The following EYS variants were observed in gnomAD, a reference collection of about 807,000 sequenced individuals.
EYS encodes the protein EGF-like photoreceptor maintenance factor, also known as protein eyes shut homolog.
In EYS, 250 loss-of-function variants were observed where a neutral mutation model predicts 282.1. The ratio of observed to expected loss-of-function variants is 0.89; its 90% CI spans 0.80 to 0.98. The LOEUF (loss-of-function observed/expected upper bound fraction) is 0.98. Ranked by LOEUF, EYS falls within the 50% of genes least tolerant of loss-of-function variation. The pLI is 0.00. For synonymous variants in EYS, 1,355 were observed against 1,282.9 expected, an observed-to-expected ratio of 1.06 and a Z score of -1.20; for missense variants, 4,016 against 3,709.0, an observed-to-expected ratio of 1.08 and a Z score of -2.15.
At chr6:65,268,682 G>T (rs999739933) in intron 12 of EYS, among the ~76,000 whole-genome samples, 3 of 151,976 alleles carry the variant, frequency 2.0e-5, no homozygotes, top group Non-Finnish European at 4.4e-5. Flanking sequence ...GGAAATGTAA[G>T]GGATTGTATC....
chr6:64,614,646 C>A (rs1309665445), intron 24 of EYS, among the ~76,000 whole-genome samples: 1 of 152,098 alleles, frequency 6.6e-6, no homozygotes, highest in East Asian at 1.9e-4. Context: ...ATTTAATACA[C>A]CTAATCTACT....
intron 36 of EYS, among the ~76,000 whole-genome samples, chr6:63,815,426 G>T (rs1027014892): frequency 4.6e-5 from 7 of 152,130 alleles, no homozygotes; most frequent in African/African-American, 7.2e-5. Context: ...ACATTGGCCA[G>T]TTAAAGGCCA....
rs928083722 is a variant in EYS at position 64,918,088 on chromosome 6, T to G, written c.2382-5345A>C. Reference sequence around the variant, plus strand: ...TTAGGTGTACATACCATCAACAAAATTATATTCATACCGAATTATAACATG... The same window carrying G: ...TTAGGTGTACATACCATCAACAAAAGTATATTCATACCGAATTATAACATG... On this transcript the variant is annotated intron_variant, in intron 15 of 42. Coordinates refer to ENST00000503581, the MANE Select transcript of EYS (RefSeq NM_001142800.2). 2.6e-5 allele frequency among the ~76,000 whole-genome samples: 4 copies of G among 152,134 alleles called. No individual in the cohort carries two copies. The South Asian group carries it at 8.3e-4, about 31-fold the overall frequency.
At chr6:63,835,343 A>G (rs900568639) in intron 36 of EYS, among the ~76,000 whole-genome samples, 1 of 151,342 alleles carries the variant, frequency 6.6e-6, no homozygotes, top group Admixed American at 6.6e-5. Flanking sequence ...CTCTCTATAT[A>G]TATATACACA....
intron 18 of EYS, among the ~76,000 whole-genome samples, chr6:64,891,797 T>C (rs529561384): frequency 8.5e-5 from 13 of 152,164 alleles, no homozygotes; most frequent in East Asian, 5.8e-4. Context: ...TCATAGCTTT[T>C]AAAATATACA....
rs553171861 is a variant in EYS at position 65,242,930 on chromosome 6, T to C, written c.2023+52933A>G. On this transcript the variant is annotated intron_variant, in intron 12 of 42. Coordinates refer to ENST00000503581, the MANE Select transcript of EYS (RefSeq NM_001142800.2). The stretch of plus-strand genomic sequence containing the variant: ...CTGCTGTCTTCTTTGAAGAGGTAAC[T>C]ACTTAAATGCTTTGCTCATATTTTA... 2.0e-5 allele frequency among the ~76,000 whole-genome samples: 3 copies of C among 152,296 alleles called. No individual in the cohort carries two copies. The South Asian group carries it at 6.2e-4, about 32-fold the overall frequency.
intron 33 of EYS, among the ~76,000 whole-genome samples, chr6:64,065,953 C>A (rs879729948): frequency 6.6e-6 from 1 of 152,036 alleles, no homozygotes; most frequent in Non-Finnish European, 1.5e-5. Flanking sequence ...CTGTTACACA[C>A]GTAAATAACA....
chr6:64,799,370 A>C (rs964168908), intron 22 of EYS, among the ~76,000 whole-genome samples: 1 of 151,960 alleles, frequency 6.6e-6, no homozygotes, highest in Non-Finnish European at 1.5e-5. Flanking sequence ...CTCAAAATAT[A>C]GTAGGTTTAA....
chr6:64,097,296 T>G (rs1469229769), intron 31 of EYS, among the ~76,000 whole-genome samples: 4 of 152,168 alleles, frequency 2.6e-5, no homozygotes, highest in Non-Finnish European at 5.9e-5. Flanking sequence ...ACAGGGACAT[T>G]TAAGTCTGCA....
At chr6:65,128,475 A>T (rs1310545567) in intron 12 of EYS, among the ~76,000 whole-genome samples, 1 of 152,086 alleles carries the variant, frequency 6.6e-6, no homozygotes, top group Non-Finnish European at 1.5e-5. Flanking sequence ...CAACTTCAGT[A>T]AAGTTTCACA....
intron 12 of EYS, among the ~76,000 whole-genome samples, chr6:65,254,826 T>C (rs955624770): frequency 6.6e-6 from 1 of 151,902 alleles, no homozygotes; most frequent in African/African-American, 2.4e-5. Flanking sequence ...AGCACATTTT[T>C]ACAGCATAAA....
chr6:65,677,548 A>G (rs1768663993), intron 1 of EYS, among the ~76,000 whole-genome samples: 1 of 152,008 alleles, frequency 6.6e-6, no homozygotes. Flanking sequence ...GATGAAAGAA[A>G]TTAAAGGAGA....
intron 19 of EYS, among the ~76,000 whole-genome samples, chr6:64,857,819 T>C (rs1405421822): frequency 6.6e-6 from 1 of 152,070 alleles, no homozygotes; most frequent in Non-Finnish European, 1.5e-5. Context: ...TGAGAGAGAA[T>C]TAATTGTGGT....
At chr6:63,804,208 G>T (rs889973230) in intron 37 of EYS, among the ~76,000 whole-genome samples, 3 of 152,056 alleles carry the variant, frequency 2.0e-5, no homozygotes, top group Non-Finnish European at 4.4e-5. Flanking sequence ...TAGAGACGGG[G>T]TTTCTCCATG....
At chr6:64,545,130 T>G (rs970026763) in intron 26 of EYS, among the ~76,000 whole-genome samples, 42 of 152,192 alleles carry the variant, frequency 2.8e-4, no homozygotes, top group African/African-American at 1.0e-3. Flanking sequence ...AATAAAATAC[T>G]GGTAAACCAA....
chr6:64,815,788 C>T (rs981232930), intron 21 of EYS, among the ~76,000 whole-genome samples: 1 of 151,974 alleles, frequency 6.6e-6, no homozygotes, highest in Admixed American at 6.6e-5. Context: ...GAGCTTGACC[C>T]CAGTGATATA....
In EYS at chr6:64,439,222, T is replaced by C. The variant is rs1465801209; in HGVS notation, c.5775A>G (p.Gln1925=). 19 of 1,487,900 alleles carry C rather than the reference T, an allele frequency of 1.3e-5. No homozygotes were observed. In the East Asian group the frequency reaches 4.6e-4, roughly 36 times the overall value. The allele number at this position is 1,487,900 out of a possible 1,614,324, so 92.2% of individuals were successfully genotyped here. The change falls in exon 27 of 43, where the codon CAA becomes CAG. Residue 1925 remains glutamine, a synonymous_variant. Transcript: ENST00000503581. ...SSYGLLLYVK[Q]DSNLVDGFFI... Reference sequence around the variant, plus strand: ...AAAATCCATCTACTAAATTTGAGTCTTGCTTGACATACAGCAGAAGTCCAT... The same window carrying C: ...AAAATCCATCTACTAAATTTGAGTCCTGCTTGACATACAGCAGAAGTCCAT...
chr6:65,177,093 A>G (rs1765244061), intron 12 of EYS, among the ~76,000 whole-genome samples: 1 of 151,818 alleles, frequency 6.6e-6, no homozygotes, highest in African/African-American at 2.4e-5. Flanking sequence ...TGTTTCAATT[A>G]ACTAAGGGAA....
At chr6:64,344,725 A>T (rs1771300199) in intron 29 of EYS, among the ~76,000 whole-genome samples, 1 of 152,092 alleles carries the variant, frequency 6.6e-6, no homozygotes, top group South Asian at 2.1e-4. Flanking sequence ...AAGGAAACAA[A>T]GGGCATTCAA....
Sources: gnomAD v4.1 joint callset for allele counts (sites outside exome capture counted in the v4.1 genomes callset) on GRCh38, gnomAD v4.1.1 for gene constraint, MANE v1.5 for transcripts, NCBI Gene and HGNC (gene_info 2026-07-23, HGNC 2026-07-21) for gene names.